Variants in MTHFD2L observed in about 807,000 individuals in gnomAD.
MTHFD2L encodes bifunctional methylenetetrahydrofolate dehydrogenase/cyclohydrolase 2, mitochondrial.
MTHFD2L carries 29 observed loss-of-function variants against 34.9 expected under a neutral mutation model. The ratio of observed to expected loss-of-function variants is 0.83; its 90% CI spans 0.62 to 1.13. The LOEUF (loss-of-function observed/expected upper bound fraction) is 1.13, where lower values mean the gene tolerates loss of function less well. Among genes scored for constraint, MTHFD2L ranks in the 50% most tolerant of loss-of-function variants. The pLI is 0.00. For synonymous variants in MTHFD2L, 167 were observed against 155.7 expected, an observed-to-expected ratio of 1.07 and a Z score of -0.54; for missense variants, 481 against 446.5, an observed-to-expected ratio of 1.08 and a Z score of -0.70.
intron 1 of MTHFD2L, among the ~76,000 whole-genome samples, chr4:74,129,598 A>C (rs1228826691): frequency 6.6e-6 from 1 of 152,180 alleles, no homozygotes; most frequent in Non-Finnish European, 1.5e-5. Context: ...TTAGAGGAAA[A>C]TTTATAGCAC....
chr4:74,145,175 A>C (rs917425996), intron 1 of MTHFD2L, among the ~76,000 whole-genome samples: 1 of 152,120 alleles, frequency 6.6e-6, no homozygotes, highest in African/African-American at 2.4e-5. Flanking sequence ...AAAAAAAAAA[A>C]ACCCAAATCA....
At position 74,158,190 on chromosome 4, in the gene MTHFD2L, G is replaced by A. The variant is rs1168713954; in HGVS notation, c.52G>A (p.Ala18Thr). 2 of 1,526,306 alleles carry A rather than the reference G, an allele frequency of 1.3e-6. No individual in the cohort carries two copies. The highest frequency in any genetic ancestry group is 2.5e-5 in the East Asian group (1 of 40,624). The allele number at this position is 1,526,306 out of a possible 1,614,324, so 94.5% of individuals were successfully genotyped here. Reference sequence around the variant, plus strand: ...GCTGCTCCGCGGCCGCCTTGGCCGAGCGCCGGCGTTGGGCAGAAGCACAGC... The same window carrying A: ...GCTGCTCCGCGGCCGCCTTGGCCGAACGCCGGCGTTGGGCAGAAGCACAGC... Reference protein sequence around the residue: ...FSLLRGRLGRAPALGRSTAPS... With the variant: ...FSLLRGRLGRTPALGRSTAPS... Residue 18 changes from alanine (A) to threonine (T), a missense_variant, in exon 1 of 8, where the codon GCG becomes ACG. Transcript: ENST00000325278.
At chr4:74,233,180 C>T (rs749014309) in intron 6 of MTHFD2L, among the ~76,000 whole-genome samples, 10 of 152,060 alleles carry the variant, frequency 6.6e-5, no homozygotes, top group Non-Finnish European at 8.8e-5. Context: ...AGCTGTGTCT[C>T]GTTTGTAACC....
chr4:74,237,339 C>A (rs1256563820), intron 6 of MTHFD2L, among the ~76,000 whole-genome samples: 2 of 152,060 alleles, frequency 1.3e-5, no homozygotes, highest in Admixed American at 1.3e-4. Context: ...TGAATGAATT[C>A]CTTTCTTTAG....
chr4:74,270,790 G>T (rs1745878349), intron 6 of MTHFD2L, among the ~76,000 whole-genome samples: 1 of 152,140 alleles, frequency 6.6e-6, no homozygotes, highest in African/African-American at 2.4e-5. Flanking sequence ...CCCACCAACA[G>T]TGTCAAAGTG....
At chr4:74,298,379 G>A (rs1469562556) in intron 7 of MTHFD2L, among the ~76,000 whole-genome samples, 1 of 152,042 alleles carries the variant, frequency 6.6e-6, no homozygotes, top group Non-Finnish European at 1.5e-5. Context: ...GGGTGAATAT[G>A]TGTTGGTTTC....
At chr4:74,130,885 CAA>C (rs1368165221) in intron 1 of MTHFD2L, among the ~76,000 whole-genome samples, 3 of 152,158 alleles carry the variant, frequency 2.0e-5, no homozygotes, top group Non-Finnish European at 4.4e-5. Context: ...GCAACTTCAG[CAA>C]AGTCTCAGGA....
rs147404362 is a variant in MTHFD2L, at chr4:74,197,572, A to G, written c.452-2222A>G. Among the ~76,000 whole-genome samples, 498 of 152,244 alleles carry G rather than the reference A, an allele frequency of 3.3e-3. 1 individual carries two copies. Among genetic ancestry groups the G allele is most frequent in the South Asian group, 0.012 (60 of 4,830 alleles). On this transcript the variant is annotated intron_variant, in intron 3 of 7. Transcript: ENST00000325278. ...CTCTGTGATTTTAATTTTTAATGGT[A>G]TTTAAAATGATTAATATTTATTATG...
chr4:74,208,544 A>G (rs1403328865), intron 5 of MTHFD2L, among the ~76,000 whole-genome samples: 1 of 152,194 alleles, frequency 6.6e-6, no homozygotes, highest in East Asian at 1.9e-4. Flanking sequence ...AAGTTCAGCT[A>G]AAAGCCGAGT....
chr4:74,174,059 G>A lies in MTHFD2L; in HGVS notation c.144-447G>A, dbSNP rs1189695641. On this transcript the variant is annotated intron_variant, in intron 1 of 7. Coordinates refer to ENST00000325278, the MANE Select transcript of MTHFD2L (RefSeq NM_001144978.3). Reference sequence around the variant, plus strand: ...CCAGAAGGTTCAGTGTCTGGTGTGGGCCTGCTTTTTGGTTAATAGATAGCT... The same window carrying A: ...CCAGAAGGTTCAGTGTCTGGTGTGGACCTGCTTTTTGGTTAATAGATAGCT... Among the ~76,000 whole-genome samples, 8 of 152,194 alleles carry A rather than the reference G, an allele frequency of 5.3e-5. No individual in the cohort carries two copies. The East Asian group carries it at 1.4e-3, about 26-fold the overall frequency.
intron 3 of MTHFD2L, among the ~76,000 whole-genome samples, chr4:74,197,922 A>G (rs780818968): frequency 6.6e-5 from 10 of 152,202 alleles, no homozygotes; most frequent in Non-Finnish European, 1.3e-4. Context: ...CTGCTGAGAT[A>G]GCAGAGTTAC....
chr4:74,263,666 C>T (rs542789649), intron 6 of MTHFD2L, among the ~76,000 whole-genome samples: 8 of 151,950 alleles, frequency 5.3e-5, no homozygotes, highest in African/African-American at 1.9e-4. Flanking sequence ...GTGATTTTTG[C>T]ATATTAATTT....
In MTHFD2L at chr4:74,158,169, C is replaced by T. The variant is rs572191697; in HGVS notation, c.31C>T (p.Leu11Phe). 1.3e-6 allele frequency: 2 copies of T among 1,528,978 alleles called. No individual in the cohort carries two copies. The highest frequency in any genetic ancestry group is 1.8e-6 in the Non-Finnish European group (2 of 1,139,218). 94.7% of individuals were successfully genotyped at this position (1,528,978 alleles called of 1,614,324 possible). A position where few individuals can be genotyped will look rare whatever the true frequency, so the allele number is the denominator to read the frequency against. Residue 11 changes from leucine to phenylalanine, a missense_variant, in exon 1 of 8, where the codon CTC (leucine) becomes TTC (phenylalanine). Transcript: ENST00000325278. MTVPVRGFSL[L>F]RGRLGRAPAL... is the part of the protein sequence containing the mutation. The stretch of plus-strand genomic sequence containing the variant: ...GGTGCCGGTCCGCGGCTTCTCGCTG[C>T]TCCGCGGCCGCCTTGGCCGAGCGCC...
chr4:74,269,776 A>G (rs1745727835), intron 6 of MTHFD2L, among the ~76,000 whole-genome samples: 1 of 152,142 alleles, frequency 6.6e-6, no homozygotes, highest in Admixed American at 6.6e-5. Context: ...CAGAAATTTG[A>G]AATTATTTAG....
At position 74,275,586 on chromosome 4, in the gene MTHFD2L, C is replaced by A. The variant is rs190000997; in HGVS notation, c.806-5839C>A. On this transcript the variant is annotated intron_variant, in intron 6 of 7. Coordinates refer to ENST00000325278, the MANE Select transcript of MTHFD2L (RefSeq NM_001144978.3). ...TAATAATATAAAAGGGTTCCTATTTCTCCACTGCCTCACCAGCATGTTGCT... is the reference window on the plus strand; with the variant it reads ...TAATAATATAAAAGGGTTCCTATTTATCCACTGCCTCACCAGCATGTTGCT... Among the ~76,000 whole-genome samples, 21 of 152,242 alleles carry A rather than the reference C, an allele frequency of 1.4e-4. 1 individual carries two copies. The highest frequency in any genetic ancestry group is 5.2e-4 in the Admixed American group (8 of 15,272).
At chr4:74,228,691 C>T (rs952770463) in intron 6 of MTHFD2L, among the ~76,000 whole-genome samples, 6 of 151,832 alleles carry the variant, frequency 4.0e-5, no homozygotes, top group Admixed American at 3.3e-4. Flanking sequence ...TTTGTAAAGG[C>T]CTAAATCAGC....
intron 5 of MTHFD2L, among the ~76,000 whole-genome samples, chr4:74,220,122 T>G (rs2110107543): frequency 6.6e-6 from 1 of 151,436 alleles, no homozygotes; most frequent in Middle Eastern, 3.4e-3. Context: ...TTTGGGAGGC[T>G]CTCATTTGGA....
At chr4:74,153,122 G>T (rs1425289629), upstream of MTHFD2L, among the ~76,000 whole-genome samples, 1 of 152,120 alleles carries the variant, frequency 6.6e-6, no homozygotes, top group Non-Finnish European at 1.5e-5. Context: ...GGGCTTCTTT[G>T]CTATTCTCTG....
At chr4:74,292,276 CTT>C (rs1247221910) in intron 7 of MTHFD2L, among the ~76,000 whole-genome samples, 1 of 152,146 alleles carries the variant, frequency 6.6e-6, no homozygotes, top group Non-Finnish European at 1.5e-5. Context: ...GATCATCTAC[CTT>C]TATAGAGCAG....
Sources: allele counts gnomAD v4.1 joint callset (sites outside exome capture counted in the v4.1 genomes callset), GRCh38; gene constraint gnomAD v4.1.1; transcripts MANE v1.5; gene names NCBI Gene and HGNC (gene_info 2026-07-23, HGNC 2026-07-21).